Variants in DBH observed in about 807,000 individuals in gnomAD.
The protein encoded by DBH is dopamine beta-hydroxylase (dopamine beta-monooxygenase).
In DBH, 49 loss-of-function variants were observed where a neutral mutation model predicts 64.0. The ratio of observed to expected loss-of-function variants is 0.77; its 90% CI spans 0.61 to 0.97. DBH has a LOEUF of 0.97. Among genes scored for constraint, DBH ranks in the 50% least tolerant of loss-of-function variants. The pLI is 0.00. For missense variants in DBH, 828 were observed against 826.6 expected, an observed-to-expected ratio of 1.00 and a Z score of -0.02; for synonymous variants, 343 against 347.1, an observed-to-expected ratio of 0.99 and a Z score of 0.13.
intron 6 of DBH, among the ~76,000 whole-genome samples, chr9:133,648,443 G>A (rs760314660): frequency 6.6e-6 from 1 of 152,178 alleles, no homozygotes; most frequent in East Asian, 1.9e-4. Context: ...GTATATTTCA[G>A]GAAGCTCTTG....
At chr9:133,645,784 G>T (rs1324392291) in intron 5 of DBH, among the ~76,000 whole-genome samples, 7 of 152,184 alleles carry the variant, frequency 4.6e-5, no homozygotes, top group Non-Finnish European at 7.3e-5. Flanking sequence ...TTGAACCTCA[G>T]CTTGGCCACT....
At chr9:133,650,695 G>A (rs1209108372) in intron 6 of DBH, among the ~76,000 whole-genome samples, 7 of 151,526 alleles carry the variant, frequency 4.6e-5, no homozygotes, top group African/African-American at 9.7e-5. Context: ...TTACAGGCAC[G>A]TGCCACCATG....
At position 133,642,444 on chromosome 9, in the gene DBH, T is replaced by C; in HGVS notation, c.724T>C (p.Ser242Pro). ...CYIKELPKGF[S>P]RHHIIKYEPI... ...CATTAAGGAGCTTCCAAAGGGCTTC[T>C]CTCGGCACCACATTATCAAGGTACG... Residue 242 changes from serine (S) to proline (P), a missense_variant, in exon 3 of 12, where the codon TCT becomes CCT. By Grantham distance (74) the Ser-to-Pro change is moderately conservative. Coordinates refer to ENST00000393056, the MANE Select transcript of DBH (RefSeq NM_000787.4). The C allele has an allele frequency of 6.2e-7, 1 of 1,611,772 alleles. No homozygotes were observed. The highest frequency in any genetic ancestry group is 8.5e-7 in the Non-Finnish European group (1 of 1,178,950).
Position 133,651,762 on chromosome 9 carries a change from C to G in DBH, c.1320C>G (p.Tyr440Ter). 6.2e-7 allele frequency: 1 copy of G among 1,608,402 alleles called. No individual in the cohort carries two copies. Among genetic ancestry groups the G allele is most frequent in the Non-Finnish European group, 8.5e-7 (1 of 1,177,668 alleles). ...EWEIVNQDNH[Y>*]SPHFQEIRML... Reference sequence around the variant, plus strand: ...AGATCGTGAACCAGGACAATCACTACAGCCCTCACTTCCAGGTAGGAACCT... The same window carrying G: ...AGATCGTGAACCAGGACAATCACTAGAGCCCTCACTTCCAGGTAGGAACCT... Residue 440 changes from tyrosine (Y) to a stop codon, truncating the protein, a stop_gained, in exon 7 of 12, where the codon TAC becomes TAG. Transcript: ENST00000393056. LOFTEE classifies it high-confidence loss of function.
At chr9:133,653,796 C>T (rs781086754) in intron 9 of DBH, among the ~76,000 whole-genome samples, 65 of 152,204 alleles carry the variant, frequency 4.3e-4, no homozygotes, top group Non-Finnish European at 4.0e-4. Context: ...CATCACGCAG[C>T]GGGGCTGCTT....
At chr9:133,640,064 A>G in intron 2 of DBH, 72 bp downstream of exon 2, 2 of 1,582,480 alleles carry the variant, frequency 1.3e-6, no homozygotes, top group Non-Finnish European at 1.7e-6. Context: ...TGCCAATGTC[A>G]TAGTACCTTT....
chr9:133,656,940 G>C, intron 10 of DBH, 130 bp from the exon 11 acceptor site: 1 of 1,121,782 alleles, frequency 8.9e-7, no homozygotes, highest in Non-Finnish European at 1.3e-6. Flanking sequence ...GAGGCAGCGG[G>C]GCTGGGGAGG....
chr9:133,647,459 C>T (rs556579332), intron 5 of DBH, among the ~76,000 whole-genome samples: 63 of 152,342 alleles, frequency 4.1e-4, no homozygotes, highest in African/African-American at 1.5e-3. Context: ...ACTTATGAAA[C>T]AATCTGAGCA....
At chr9:133,646,421 G>C (rs1832182431) in intron 5 of DBH, among the ~76,000 whole-genome samples, 1 of 152,186 alleles carries the variant, frequency 6.6e-6, no homozygotes, top group Admixed American at 6.5e-5. Context: ...CCGGTACTCA[G>C]AGCCTGGCTG....
At position 133,652,340 on chromosome 9, in the gene DBH, G is replaced by A. The variant is rs144067712; in HGVS notation, c.1374+56G>A. On this transcript the variant is annotated intron_variant, in intron 8 of 11. Transcript: ENST00000393056. ...CACTGCCACCAGCTGGGGTGGCTGA[G>A]AGGGCTGGGGGTGCCACCAGAAGGA... is the stretch of plus-strand genomic sequence containing the variant. The A allele has an allele frequency of 3.1e-4, 492 of 1,596,956 alleles. 2 individuals carry two copies. In the African/African-American group the frequency reaches 6.1e-3, roughly 20 times the overall value.
Position 133,652,253 on chromosome 9 carries a change from G to T in DBH, c.1343G>T (p.Arg448Leu), listed in dbSNP as rs372946596. 6.2e-7 allele frequency: 1 copy of T among 1,613,804 alleles called. No individual in the cohort carries two copies. Among genetic ancestry groups the T allele is most frequent in the East Asian group, 2.2e-5 (1 of 44,878 alleles). The change falls in exon 8 of 12, where the codon CGC (arginine) becomes CTC (leucine). Residue 448 changes from arginine to leucine, a missense_variant. By Grantham distance (102) the Arg-to-Leu change is moderately radical. Transcript: ENST00000393056. ...NHYSPHFQEI[R>L]MLKKVVSVHP... is the part of the protein sequence containing the mutation. ...CGGCTCTGCCTGCCCCAGGAGATCCGCATGTTGAAGAAGGTCGTGTCGGTC... is the reference window on the plus strand; with the variant it reads ...CGGCTCTGCCTGCCCCAGGAGATCCTCATGTTGAAGAAGGTCGTGTCGGTC...
chr9:133,645,632 G>A (rs558362405), intron 5 of DBH, among the ~76,000 whole-genome samples: 4 of 152,276 alleles, frequency 2.6e-5, no homozygotes, highest in South Asian at 2.1e-4. Flanking sequence ...TACAGGAGCC[G>A]TTTGAGTTTG....
At position 133,657,501 on chromosome 9, in the gene DBH, AGAGAGAGAGAGAGAGAGG is replaced by A. The variant is rs1220773219; in HGVS notation, c.1722+285_1722+302del. Among the ~76,000 whole-genome samples the A allele has an allele frequency of 1.5e-3, 217 of 145,632 alleles. 2 individuals carry two copies. The highest frequency in any genetic ancestry group is 5.6e-3 in the African/African-American group (210 of 37,670). ...GAGGGAGAGAGGAGAGAGAGAGGAG[AGAGAGAGAGAGAGAGAGG>A]GAGAGAGAGAGAACCAATAACGAGG... On this transcript the variant is annotated intron_variant, in intron 11 of 11. Coordinates refer to ENST00000393056, the MANE Select transcript of DBH (RefSeq NM_000787.4).
chr9:133,649,305 G>A (rs1832218335), intron 6 of DBH, among the ~76,000 whole-genome samples: 1 of 152,176 alleles, frequency 6.6e-6, no homozygotes, highest in African/African-American at 2.4e-5. Flanking sequence ...ATTTCCTCCT[G>A]TGCGGTAGCT....
chr9:133,658,195 C>T, intron 11 of DBH, 121 bp from the exon 12 acceptor site: 1 of 1,351,388 alleles, frequency 7.4e-7, no homozygotes, highest in Non-Finnish European at 1.0e-6. Context: ...AGAGTGAGTT[C>T]AGTTTGAGAC....
Position 133,640,006 on chromosome 9 carries a change from G to C in DBH, c.486+14G>C. The C allele has an allele frequency of 6.2e-7, 1 of 1,613,750 alleles. No individual in the cohort carries two copies. Among genetic ancestry groups the C allele is most frequent in the Non-Finnish European group, 8.5e-7 (1 of 1,179,926 alleles). ...TACCTCATTGAAGTAAGGGGTGGCC[G>C]CGAGTACCCAGGAGGGCGTGGGCTG... On this transcript the variant is annotated intron_variant, in intron 2 of 11. Transcript: ENST00000393056.
At position 133,659,230 on chromosome 9, in the gene DBH, C is replaced by G. The variant is rs868702898; in HGVS notation, c.*783C>G. The G allele has an allele frequency of 6.6e-6, 1 of 152,266 alleles. No individual in the cohort carries two copies. Among genetic ancestry groups the G allele is most frequent in the Non-Finnish European group, 1.5e-5 (1 of 68,110 alleles). 9.4% of individuals were successfully genotyped at this position (152,266 alleles called of 1,614,324 possible). On this transcript the variant is annotated 3_prime_UTR_variant, in exon 12 of 12. Transcript: ENST00000393056. ...TGCCACTTAGGGAGTGTGCCTTGGG[C>G]GGGCCATTTCACATTCCTGACCCTC...
rs1017641580 is a variant in DBH at position 133,643,556 on chromosome 9, C to G, written c.888C>G (p.Arg296=). ...AACCCGACCGCCTCAACTACTGCCG[C>G]CACGTGCTGGCCGCCTGGGCCCTGG... ...KMKPDRLNYC[R]HVLAAWALGA... is the part of the protein sequence containing the mutation. Residue 296 remains arginine, a synonymous_variant, in exon 4 of 12, where the codon CGC becomes CGG. Transcript: ENST00000393056. This position sits in a 1 kb window ranked among gnomAD's most constrained non-coding sequence, Gnocchi z 5.3. The G allele has an allele frequency of 6.2e-6, 10 of 1,613,484 alleles. No homozygotes were observed. In the Admixed American group the frequency reaches 8.3e-5, roughly 13 times the overall value.
chr9:133,648,594 C>T lies in DBH; in HGVS notation c.1191+582C>T, dbSNP rs59807721. Among the ~76,000 whole-genome samples the T allele has an allele frequency of 7.2e-3, 1,097 of 152,358 alleles. 43 individuals are homozygous for T. The South Asian group carries it at 0.11, about 15-fold the overall frequency. ...CACAGGATGGGGTTTTCACCACGCA[C>T]CTGAGCAGGGCAGGACTAGGTGAGG... On this transcript the variant is annotated intron_variant, in intron 6 of 11. Transcript: ENST00000393056.
Sources: allele counts gnomAD v4.1 joint callset (sites outside exome capture counted in the v4.1 genomes callset), GRCh38; gene constraint gnomAD v4.1.1; non-coding constraint Gnocchi (gnomAD v3.1); transcripts MANE v1.5; gene names NCBI Gene and HGNC (gene_info 2026-07-23, HGNC 2026-07-21).